Variants in PRR5L observed in about 807,000 individuals in gnomAD.
PRR5L encodes the protein proline-rich protein 5-like.
A neutral mutation model predicts 36.4 loss-of-function variants in PRR5L; 21 were observed. That is an observed-to-expected ratio of 0.58 (90% CI 0.41 to 0.83). PRR5L has a LOEUF of 0.83. Among genes scored for constraint, PRR5L ranks in the 40% least tolerant of loss-of-function variants. The pLI is 0.00. For missense variants in PRR5L, 381 were observed against 473.3 expected, an observed-to-expected ratio of 0.80 and a Z score of 1.81; for synonymous variants, 188 against 197.0, an observed-to-expected ratio of 0.95 and a Z score of 0.38.
chr11:36,336,390 C>T lies in PRR5L; in HGVS notation c.-126+39952C>T, dbSNP rs75695301. Among the ~76,000 whole-genome samples, 236 of 152,124 alleles carry T rather than the reference C, an allele frequency of 1.6e-3. 1 individual carries two copies. Among genetic ancestry groups the T allele is most frequent in the African/African-American group, 5.5e-3 (227 of 41,514 alleles). ...GACTGTAGGCATGCACCATCACACCCGGCTAATTTTTGCATTTTTAGTAGA... is the reference window on the plus strand; with the variant it reads ...GACTGTAGGCATGCACCATCACACCTGGCTAATTTTTGCATTTTTAGTAGA... On this transcript the variant is annotated intron_variant, in intron 1 of 8. Transcript: ENST00000530639.
chr11:36,458,137 T>C (rs1859103823), intron 8 of PRR5L, among the ~76,000 whole-genome samples: 1 of 152,224 alleles, frequency 6.6e-6, no homozygotes, highest in Admixed American at 6.5e-5. Flanking sequence ...TTGTCTCTTA[T>C]CTCCAAAGAG....
chr11:36,464,925 G>C lies in PRR5L; in HGVS notation c.*2189G>C, dbSNP rs1187079274. On this transcript the variant is annotated 3_prime_UTR_variant, in exon 9 of 9. Transcript: ENST00000530639. ...CAGTTTACAACTTTTTACCATCGAT[G>C]TACACATTTGATATTTGTGCAGTAA... is the stretch of plus-strand genomic sequence containing the variant. 1.3e-5 allele frequency: 2 copies of C among 152,116 alleles called. No homozygotes were observed. Among genetic ancestry groups the C allele is most frequent in the Admixed American group, 1.3e-4 (2 of 15,286 alleles). The allele number at this position is 152,116 out of a possible 1,614,324, so 9.4% of individuals were successfully genotyped here.
At chr11:36,357,667 T>A (rs1437815963) in intron 1 of PRR5L, among the ~76,000 whole-genome samples, 1 of 152,162 alleles carries the variant, frequency 6.6e-6, no homozygotes, top group African/African-American at 2.4e-5. Flanking sequence ...TACAGCATGT[T>A]TTACAGAACA....
At chr11:36,350,283 G>A (rs1230868712) in intron 1 of PRR5L, among the ~76,000 whole-genome samples, 1 of 150,832 alleles carries the variant, frequency 6.6e-6, no homozygotes, top group African/African-American at 2.4e-5. Context: ...GTGTGAGTCT[G>A]TGAATGTGAG....
intron 1 of PRR5L, among the ~76,000 whole-genome samples, chr11:36,329,940 C>G (rs1239698726): frequency 6.6e-6 from 1 of 152,184 alleles, no homozygotes; most frequent in Non-Finnish European, 1.5e-5. Context: ...AGCATTGACT[C>G]CATAAAGTCA....
At chr11:36,415,417 C>T (rs1435916202) in intron 3 of PRR5L, among the ~76,000 whole-genome samples, 1 of 152,214 alleles carries the variant, frequency 6.6e-6, no homozygotes, top group Non-Finnish European at 1.5e-5. Context: ...AGAGGACACA[C>T]AACCCAGTGC....
rs11297597 is a variant in PRR5L at position 36,457,605 on chromosome 11, CAA to C, written c.713-4724_713-4723del. Among the ~76,000 whole-genome samples, 885 of 134,420 alleles carry C rather than the reference CAA, an allele frequency of 6.6e-3. 5 individuals carry two copies. The highest frequency in any genetic ancestry group is 0.021 in the African/African-American group (780 of 36,390). The allele number at this position is 134,420 out of a possible 152,430, so 88.2% of individuals were successfully genotyped here. ...TGGGCAACAGAGTGAGACTCCGTCT[CAA>C]AAAAAAAAAAAACAAAACAAAAAAC... is the stretch of plus-strand genomic sequence containing the variant. On this transcript the variant is annotated intron_variant, in intron 8 of 8. Coordinates refer to ENST00000530639, the MANE Select transcript of PRR5L (RefSeq NM_001160167.2).
At chr11:36,307,463 A>T (rs1856447327) in intron 1 of PRR5L, among the ~76,000 whole-genome samples, 5 of 152,222 alleles carry the variant, frequency 3.3e-5, no homozygotes, top group Admixed American at 3.3e-4. Flanking sequence ...TTGATTCAGC[A>T]GCTCAGCAAT....
At chr11:36,302,366 G>T (rs372820450) in intron 1 of PRR5L, among the ~76,000 whole-genome samples, 1 of 152,170 alleles carries the variant, frequency 6.6e-6, no homozygotes, top group Admixed American at 6.5e-5. Flanking sequence ...GACATTTAAC[G>T]TGAGTGTCAA....
intron 7 of PRR5L, among the ~76,000 whole-genome samples, chr11:36,448,632 A>G (rs571751517): frequency 2.0e-3 from 301 of 152,294 alleles, no homozygotes; most frequent in African/African-American, 6.7e-3. Flanking sequence ...ACCAGCTAGT[A>G]GAAGGTTGAG....
chr11:36,446,717 C>G (rs1298085691), intron 7 of PRR5L, among the ~76,000 whole-genome samples: 1 of 152,124 alleles, frequency 6.6e-6, no homozygotes, highest in African/African-American at 2.4e-5. Context: ...ATGCCCTTTT[C>G]CCCTCTCCAG....
chr11:36,396,643 ATATT>A (rs1857665756), intron 1 of PRR5L, among the ~76,000 whole-genome samples: 1 of 152,202 alleles, frequency 6.6e-6, no homozygotes, highest in African/African-American at 2.4e-5. Context: ...TGCTTGACAA[ATATT>A]TATCCATTTA....
At chr11:36,323,067 G>T (rs1034802858) in intron 1 of PRR5L, among the ~76,000 whole-genome samples, 1 of 152,130 alleles carries the variant, frequency 6.6e-6, no homozygotes, top group Non-Finnish European at 1.5e-5. Context: ...AACTGACAGA[G>T]GAGAAATTTT....
chr11:36,396,396 A>T (rs977494529), intron 1 of PRR5L, among the ~76,000 whole-genome samples: 1 of 152,238 alleles, frequency 6.6e-6, no homozygotes, highest in Non-Finnish European at 1.5e-5. Context: ...GTCATGAGTT[A>T]TTAAAGGGCT....
intron 7 of PRR5L, among the ~76,000 whole-genome samples, chr11:36,448,085 T>G (rs1475384806): frequency 6.6e-6 from 1 of 152,076 alleles, no homozygotes; most frequent in Non-Finnish European, 1.5e-5. Context: ...ATTGATCCAG[T>G]CCTGCAGGTG....
rs1360682537 is a variant in PRR5L, at chr11:36,376,411, C to T, written c.-125-24586C>T. On this transcript the variant is annotated intron_variant, in intron 1 of 8. Coordinates refer to ENST00000530639, the MANE Select transcript of PRR5L (RefSeq NM_001160167.2). Reference sequence around the variant, plus strand: ...GATGAGAGAGGAGGGAAACGTGTCACCAGCCCGGCTGTGGGAGCTCCGCGG... The same window carrying T: ...GATGAGAGAGGAGGGAAACGTGTCATCAGCCCGGCTGTGGGAGCTCCGCGG... 17 of 1,148,716 alleles carry T rather than the reference C, an allele frequency of 1.5e-5. No individual in the cohort carries two copies. The East Asian group carries it at 1.1e-3, about 74-fold the overall frequency. The allele number at this position is 1,148,716 out of a possible 1,614,324, so 71.2% of individuals were successfully genotyped here. A position where few individuals can be genotyped will look rare whatever the true frequency, so the allele number is the denominator to read the frequency against.
intron 1 of PRR5L, among the ~76,000 whole-genome samples, chr11:36,351,765 ATT>A (rs1431036369): frequency 0.14 from 5,276 of 36,660 alleles, 180 homozygotes; most frequent in Middle Eastern, 0.21. Context: ...ATATTTATAT[ATT>A]TATATATATT....
At chr11:36,379,055 GT>G (rs1857324994) in intron 1 of PRR5L, among the ~76,000 whole-genome samples, 2 of 152,118 alleles carry the variant, frequency 1.3e-5, no homozygotes, top group Admixed American at 6.5e-5. Flanking sequence ...AATTGGCTCA[GT>G]TATTGGGGAA....
At position 36,451,132 on chromosome 11, in the gene PRR5L, A is replaced by G. The variant is rs1179861652; in HGVS notation, c.586-77A>G. On this transcript the variant is annotated intron_variant, in intron 7 of 8. Transcript: ENST00000530639. ...CCTTGTACATTGGAGGAGGACAATCAGGATTTGTTGAGTGAGAACCTGCTG... is the reference window on the plus strand; with the variant it reads ...CCTTGTACATTGGAGGAGGACAATCGGGATTTGTTGAGTGAGAACCTGCTG... 22 of 1,550,044 alleles carry G rather than the reference A, an allele frequency of 1.4e-5. 1 individual carries two copies. The Admixed American group carries it at 3.8e-4, about 27-fold the overall frequency.
Sources: gnomAD v4.1 joint callset for allele counts (sites outside exome capture counted in the v4.1 genomes callset) on GRCh38, gnomAD v4.1.1 for gene constraint, MANE v1.5 for transcripts, NCBI Gene and HGNC (gene_info 2026-07-23, HGNC 2026-07-21) for gene names.